Variants in USH2A observed in about 807,000 individuals in gnomAD.
The protein encoded by USH2A is usherin.
A neutral mutation model predicts 538.9 loss-of-function variants in USH2A; 443 were observed. The observed-to-expected ratio is 0.82, with a 90% CI of 0.76 to 0.89. The LOEUF (loss-of-function observed/expected upper bound fraction) is 0.89. Ranked by LOEUF, USH2A falls within the 40% of genes least tolerant of loss-of-function variation. USH2A has a pLI of 0.00. For missense variants in USH2A, 6,633 were observed against 6,324.8 expected (o/e 1.05, Z -1.65); for synonymous variants, 2,413 against 2,273.5 (o/e 1.06, Z -1.75).
intron 32 of USH2A, among the ~76,000 whole-genome samples, chr1:216,043,606 C>T (rs1298013305): frequency 6.6e-6 from 1 of 152,072 alleles, no homozygotes; most frequent in Admixed American, 6.6e-5. Flanking sequence ...TTACCACAAT[C>T]TTTCTTCAGG....
intron 47 of USH2A, among the ~76,000 whole-genome samples, chr1:215,823,685 T>A (rs536975184): frequency 1.9e-4 from 29 of 152,164 alleles, no homozygotes; most frequent in Non-Finnish European, 4.3e-4. Context: ...GATTTTGTCT[T>A]TTCAGGTAGT....
rs1310745557 is a variant in USH2A, at chr1:216,323,552, C to T, written c.1472G>A (p.Gly491Glu). Residue 491 changes from glycine to glutamate, a missense_variant, in exon 8 of 72, where the codon GGG (glycine) becomes GAG (glutamate). Gly to Glu is a moderately conservative substitution (Grantham distance 98). Coordinates refer to ENST00000307340, the MANE Select transcript of USH2A (RefSeq NM_206933.4). ...KATQIRFHFH[G>E]QYYTTETAVN... ...AGCAGTCTCAGTTGTATAGTACTGC[C>T]CATGAAAATGAAACCTTATTTGCGT... is the stretch of plus-strand genomic sequence containing the variant. 1.2e-6 allele frequency: 2 copies of T among 1,613,362 alleles called. No individual in the cohort carries two copies. Among genetic ancestry groups the T allele is most frequent in the Non-Finnish European group, 1.7e-6 (2 of 1,179,718 alleles).
intron 9 of USH2A, among the ~76,000 whole-genome samples, chr1:216,300,741 GTT>G (rs531354825): frequency 6.1e-4 from 71 of 116,500 alleles, no homozygotes; most frequent in Non-Finnish European, 9.1e-4. Context: ...TAGACTCAAT[GTT>G]TTTTTTTTTT....
At chr1:216,160,848 T>C (rs1163399851) in intron 21 of USH2A, among the ~76,000 whole-genome samples, 3 of 152,150 alleles carry the variant, frequency 2.0e-5, no homozygotes, top group Admixed American at 1.3e-4. Flanking sequence ...GGGATTTATA[T>C]CTTCAACTAT....
At chr1:215,757,813 G>C (rs1660857008) in intron 58 of USH2A, among the ~76,000 whole-genome samples, 1 of 152,092 alleles carries the variant, frequency 6.6e-6, no homozygotes, top group Non-Finnish European at 1.5e-5. Context: ...GAAAAATGCA[G>C]CTACCATAAG....
chr1:215,789,947 G>T (rs916121739), intron 51 of USH2A, 112 bp downstream of exon 51: 9 of 984,464 alleles, frequency 9.1e-6, no homozygotes, highest in Non-Finnish European at 1.4e-5. Context: ...ATGTGAAAAT[G>T]AATAATGCAC....
intron 13 of USH2A, among the ~76,000 whole-genome samples, chr1:216,238,225 G>C (rs1195642466): frequency 6.6e-6 from 1 of 152,178 alleles, no homozygotes. Context: ...ATAGGAAGCT[G>C]TTTTCATTAT....
intron 21 of USH2A, among the ~76,000 whole-genome samples, chr1:216,106,016 C>T (rs1167648304): frequency 6.6e-6 from 1 of 151,170 alleles, no homozygotes; most frequent in African/African-American, 2.4e-5. Context: ...AAAATTATGT[C>T]GATGACAAAT....
chr1:216,158,039 A>T lies in USH2A; in HGVS notation c.4627+17213T>A, dbSNP rs183079782. Among the ~76,000 whole-genome samples the T allele has an allele frequency of 1.4e-3, 212 of 152,268 alleles. 1 individual carries two copies. The highest frequency in any genetic ancestry group is 4.8e-3 in the African/African-American group (200 of 41,544). On this transcript the variant is annotated intron_variant, in intron 21 of 71. Coordinates refer to ENST00000307340, the MANE Select transcript of USH2A (RefSeq NM_206933.4). ...CTTTTACTCACTAACAGGTTATAAG[A>T]TTCACCCACATTGTTCTCTGAAGCA...
chr1:215,909,556 C>G (rs1393840580), intron 38 of USH2A, among the ~76,000 whole-genome samples: 1 of 151,714 alleles, frequency 6.6e-6, no homozygotes. Flanking sequence ...CACCTTCTGC[C>G]CGATGTTGCT....
intron 50 of USH2A, among the ~76,000 whole-genome samples, chr1:215,793,031 A>G (rs1221989836): frequency 6.6e-6 from 1 of 152,184 alleles, no homozygotes; most frequent in Non-Finnish European, 1.5e-5. Flanking sequence ...ATATATATCC[A>G]ATGGTTTCCA....
chr1:216,349,625 A>C (rs2038240120), intron 4 of USH2A, among the ~76,000 whole-genome samples: 1 of 152,184 alleles, frequency 6.6e-6, no homozygotes, highest in South Asian at 2.1e-4. Flanking sequence ...TGCCATGTCA[A>C]CATCAGGAAG....
Position 216,078,088 on chromosome 1 carries a change from C to T in USH2A, c.5572+1G>A, listed in dbSNP as rs775293551. 3.7e-6 allele frequency: 6 copies of T among 1,613,412 alleles called. No homozygotes were observed. The East Asian group carries it at 6.7e-5, about 18-fold the overall frequency. On this transcript the variant is annotated splice_donor_variant, in intron 27 of 71. Coordinates refer to ENST00000307340, the MANE Select transcript of USH2A (RefSeq NM_206933.4). LOFTEE classifies it high-confidence loss of function. ...TGTGAATTCCTCCAGATGGAACTTA[C>T]CTTGTTCCAAACACAAATGTTGATA... is the stretch of plus-strand genomic sequence containing the variant.
At chr1:215,887,195 T>A (rs975492496) in intron 41 of USH2A, among the ~76,000 whole-genome samples, 1 of 152,214 alleles carries the variant, frequency 6.6e-6, no homozygotes, top group Non-Finnish European at 1.5e-5. Flanking sequence ...CCACAATCAG[T>A]AACGCCTAGT....
intron 4 of USH2A, among the ~76,000 whole-genome samples, chr1:216,335,089 T>A (rs2102670210): frequency 6.6e-6 from 1 of 151,828 alleles, no homozygotes; most frequent in East Asian, 1.9e-4. Context: ...ATAACTGAGA[T>A]CATGCAAAGT....
At chr1:215,987,349 G>T (rs532501942) in intron 35 of USH2A, among the ~76,000 whole-genome samples, 1 of 152,166 alleles carries the variant, frequency 6.6e-6, no homozygotes, top group East Asian at 1.9e-4. Context: ...ATAGCTAATG[G>T]TCTTACAAAG....
intron 41 of USH2A, among the ~76,000 whole-genome samples, chr1:215,883,742 C>T (rs1664979501): frequency 6.6e-6 from 1 of 152,082 alleles, no homozygotes; most frequent in Admixed American, 6.6e-5. Context: ...CTAGTTGGTT[C>T]CAATGACCAT....
At chr1:215,628,674 A>C (rs1243549612) in intron 71 of USH2A, 140 bp downstream of exon 71, 3 of 840,866 alleles carry the variant, frequency 3.6e-6, no homozygotes, top group Non-Finnish European at 6.1e-6. Flanking sequence ...TAACATTAGT[A>C]AACCGGTTGT....
chr1:215,918,024 G>A (rs910611464), intron 38 of USH2A, among the ~76,000 whole-genome samples: 1 of 151,726 alleles, frequency 6.6e-6, no homozygotes, highest in African/African-American at 2.4e-5. Context: ...TTTAGAGTTG[G>A]ACTCTTCCTC....
Sources: allele counts gnomAD v4.1 joint callset (sites outside exome capture counted in the v4.1 genomes callset), GRCh38; gene constraint gnomAD v4.1.1; transcripts MANE v1.5; gene names NCBI Gene and HGNC (gene_info 2026-07-23, HGNC 2026-07-21).